Variants in KAT6A observed in about 807,000 individuals in gnomAD.
The protein encoded by KAT6A is lysine acetyltransferase 6A, also known as histone acetyltransferase KAT6A.
A neutral mutation model predicts 198.4 loss-of-function variants in KAT6A; 9 were observed. That is an observed-to-expected ratio of 0.05 (90% CI 0.03 to 0.08). The LOEUF (loss-of-function observed/expected upper bound fraction) is 0.08, where lower values mean the gene tolerates loss of function less well. Ranked by LOEUF, KAT6A falls within the 10% of genes least tolerant of loss-of-function variation. The pLI is 1.00. For missense variants in KAT6A, 2,077 were observed against 2,509.9 expected (o/e 0.83, Z 3.69); for synonymous variants, 890 against 883.0 (o/e 1.01, Z -0.14).
At chr8:41,944,297 T>A (rs946971996) in intron 12 of KAT6A, among the ~76,000 whole-genome samples, 1 of 152,214 alleles carries the variant, frequency 6.6e-6, no homozygotes, top group South Asian at 2.1e-4. Context: ...AAACAAGCCT[T>A]GCATGCTTTA....
At chr8:41,991,357 T>C (rs1824937717) in intron 2 of KAT6A, among the ~76,000 whole-genome samples, 1 of 152,212 alleles carries the variant, frequency 6.6e-6, no homozygotes, top group African/African-American at 2.4e-5. Context: ...TATCACAAAC[T>C]ATATTGAAAG....
chr8:41,989,854 A>G lies in KAT6A; in HGVS notation c.601-2291T>C, dbSNP rs547452720. Among the ~76,000 whole-genome samples, 8 of 152,354 alleles carry G rather than the reference A, an allele frequency of 5.3e-5. No homozygotes were observed. The East Asian group carries it at 1.3e-3, about 26-fold the overall frequency. ...GATTAATGAGAGAGTTGGGTGGAACACCAATATCAAAACATCCAACACAAA... is the reference window on the plus strand; with the variant it reads ...GATTAATGAGAGAGTTGGGTGGAACGCCAATATCAAAACATCCAACACAAA... On this transcript the variant is annotated intron_variant, in intron 2 of 16. Coordinates refer to ENST00000265713, the MANE Select transcript of KAT6A (RefSeq NM_006766.5).
chr8:41,957,677 C>G (rs539579646), intron 8 of KAT6A: 1 of 176,110 alleles, frequency 5.7e-6, no homozygotes, highest in Admixed American at 5.6e-5. Flanking sequence ...AGATAACTAA[C>G]AGGGGGTAGC....
chr8:42,016,222 T>C (rs1826265982), intron 2 of KAT6A, among the ~76,000 whole-genome samples: 1 of 152,194 alleles, frequency 6.6e-6, no homozygotes, highest in South Asian at 2.1e-4. Flanking sequence ...ATATGTACCA[T>C]TTGCTATGCT....
chr8:41,993,625 A>C (rs1272393036), intron 2 of KAT6A, among the ~76,000 whole-genome samples: 1 of 152,174 alleles, frequency 6.6e-6, no homozygotes, highest in Non-Finnish European at 1.5e-5. Context: ...TTTGTTTTTT[A>C]AGTGCAATTT....
At chr8:42,031,282 T>C (rs993396753) in intron 2 of KAT6A, among the ~76,000 whole-genome samples, 1 of 152,214 alleles carries the variant, frequency 6.6e-6, no homozygotes, top group Non-Finnish European at 1.5e-5. Context: ...AAAAATATTA[T>C]ATGGGTAATA....
At chr8:41,955,064 T>C (rs1334753682) in intron 9 of KAT6A, among the ~76,000 whole-genome samples, 2 of 152,128 alleles carry the variant, frequency 1.3e-5, no homozygotes, top group East Asian at 3.9e-4. Context: ...ATTGTGACCA[T>C]GCATTCGGGT....
At position 41,935,934 on chromosome 8, in the gene KAT6A, GA is replaced by G. The variant is rs372450460; in HGVS notation, c.3353-1068del. Among the ~76,000 whole-genome samples the G allele has an allele frequency of 2.0e-4, 31 of 152,324 alleles. No individual in the cohort carries two copies. The East Asian group carries it at 5.0e-3, about 25-fold the overall frequency. On this transcript the variant is annotated intron_variant, in intron 16 of 16. Transcript: ENST00000265713. ...AAACTCTGTAGAATCATTCATGATA[GA>G]GCAAAGAACACATTCATCTTATCAC...
intron 9 of KAT6A, among the ~76,000 whole-genome samples, chr8:41,953,272 C>G (rs980395522): frequency 2.0e-5 from 3 of 152,128 alleles, no homozygotes; most frequent in African/African-American, 7.2e-5. Flanking sequence ...TCTATTTCCT[C>G]TCCCCACCTT....
At position 41,943,764 on chromosome 8, in the gene KAT6A, C is replaced by T. The variant is rs777115577; in HGVS notation, c.2212G>A (p.Asp738Asn). ...TSTLHHLRMLDFRSDQFVIIR... is the reference protein window; with the variant it reads ...TSTLHHLRMLNFRSDQFVIIR... ...GATACTCACTGGTCACTACGGAAGT[C>T]CAGCATTCGTAGGTGGTGGAGTGTG... The change falls in exon 13 of 17, where the codon GAC (aspartate) becomes AAC (asparagine). Residue 738 changes from aspartate to asparagine, a missense_variant. Coordinates refer to ENST00000265713, the MANE Select transcript of KAT6A (RefSeq NM_006766.5). The T allele has an allele frequency of 1.9e-6, 3 of 1,612,524 alleles. No homozygotes were observed. Among genetic ancestry groups the T allele is most frequent in the Non-Finnish European group, 2.5e-6 (3 of 1,178,736 alleles).
intron 2 of KAT6A, among the ~76,000 whole-genome samples, chr8:42,018,948 C>CA (rs776291461): frequency 1.3e-5 from 2 of 151,892 alleles, no homozygotes; most frequent in East Asian, 3.9e-4. Context: ...AACAAACAAA[C>CA]AAAAAAACCA....
rs1823843529 is a variant in KAT6A at position 41,972,447 on chromosome 8, C to T, written c.1482+2257G>A. ...CAATGTTAGAGAAGAAACATGGATA[C>T]CACCTAAACCAGGTGGTCACTGTTA... On this transcript the variant is annotated intron_variant, in intron 8 of 16. Coordinates refer to ENST00000265713, the MANE Select transcript of KAT6A (RefSeq NM_006766.5). 2.0e-5 allele frequency among the ~76,000 whole-genome samples: 3 copies of T among 152,148 alleles called. No homozygotes were observed. The South Asian group carries it at 6.2e-4, about 32-fold the overall frequency.
rs1285338943 is a variant in KAT6A at position 42,048,534 on chromosome 8, T to C, written c.444A>G (p.Arg148=). The change falls in exon 2 of 17, where the codon CGA becomes CGG. Residue 148 remains arginine, a synonymous_variant. Transcript: ENST00000265713. ...GGCCAATGGCACGTTTGATAGCCAATCGTAACTGCTGGTGAAAGCCAGAGG... is the reference window on the plus strand; with the variant it reads ...GGCCAATGGCACGTTTGATAGCCAACCGTAACTGCTGGTGAAAGCCAGAGG... ...SAASGFHQQL[R]LAIKRAIGHG... The C allele has an allele frequency of 5.0e-6, 8 of 1,614,034 alleles. No homozygotes were observed. In the Admixed American group the frequency reaches 5.0e-5, roughly 10 times the overall value.
intron 8 of KAT6A, among the ~76,000 whole-genome samples, chr8:41,956,257 A>G (rs1404145875): frequency 6.6e-6 from 1 of 152,226 alleles, no homozygotes; most frequent in African/African-American, 2.4e-5. Context: ...CACCCAGTCT[A>G]GCAACAGATG....
intron 2 of KAT6A, among the ~76,000 whole-genome samples, chr8:42,034,244 A>G (rs1054309092): frequency 1.3e-5 from 2 of 152,356 alleles, no homozygotes; most frequent in South Asian, 2.1e-4. Flanking sequence ...AATCGCCTGG[A>G]GGACTTACTA....
intron 14 of KAT6A, 172 bp downstream of exon 14, chr8:41,942,621 A>C (rs1284295401): frequency 2.8e-6 from 2 of 720,960 alleles, no homozygotes; most frequent in Non-Finnish European, 4.4e-6. Context: ...AAAAATACTT[A>C]AGTAAACCAG....
chr8:42,042,013 T>C lies in KAT6A; in HGVS notation c.600+6365A>G, dbSNP rs994037091. 5.3e-5 allele frequency among the ~76,000 whole-genome samples: 8 copies of C among 152,348 alleles called. No individual in the cohort carries two copies. The South Asian group carries it at 8.3e-4, about 16-fold the overall frequency. ...ATACAGTATCAACGCAACAGAGTAA[T>C]TGAAATTGAAATTTCCAAGCTTATA... On this transcript the variant is annotated intron_variant, in intron 2 of 16. Transcript: ENST00000265713.
chr8:42,025,924 T>C (rs1386583022), intron 2 of KAT6A, among the ~76,000 whole-genome samples: 1 of 152,226 alleles, frequency 6.6e-6, no homozygotes, highest in African/African-American at 2.4e-5. Flanking sequence ...TACATTTAAG[T>C]CTTTAATCCA....
At chr8:42,024,374 T>C (rs1311607289) in intron 2 of KAT6A, among the ~76,000 whole-genome samples, 3 of 152,260 alleles carry the variant, frequency 2.0e-5, no homozygotes, top group Admixed American at 1.3e-4. Flanking sequence ...TTTTGATACC[T>C]GCATACAATG....
Sources: gnomAD v4.1 joint callset for allele counts (sites outside exome capture counted in the v4.1 genomes callset) on GRCh38, gnomAD v4.1.1 for gene constraint, MANE v1.5 for transcripts, NCBI Gene and HGNC (gene_info 2026-07-23, HGNC 2026-07-21) for gene names.